TNR: variants seen among roughly 807,000 people sequenced by gnomAD.
TNR encodes the protein tenascin-R.
TNR carries 45 observed loss-of-function variants against 150.4 expected under a neutral mutation model. That is an observed-to-expected ratio of 0.30 (90% CI 0.24 to 0.38). The LOEUF is 0.38. Among genes scored for constraint, TNR ranks in the 10% least tolerant of loss-of-function variants. TNR has a pLI of 1.00. For missense variants in TNR, 1,544 were observed against 1,759.1 expected, an observed-to-expected ratio of 0.88 and a Z score of 2.19; for synonymous variants, 687 against 678.4, an observed-to-expected ratio of 1.01 and a Z score of -0.20.
At chr1:175,466,520 C>A (rs1657042144) in intron 2 of TNR, among the ~76,000 whole-genome samples, 1 of 152,224 alleles carries the variant, frequency 6.6e-6, no homozygotes, top group South Asian at 2.1e-4. Context: ...TTGCAAGAGA[C>A]TGAAGTCCTG....
At chr1:175,616,075 C>G (rs750456241) in intron 1 of TNR, among the ~76,000 whole-genome samples, 3 of 152,174 alleles carry the variant, frequency 2.0e-5, no homozygotes, top group African/African-American at 7.2e-5. Context: ...GTTCTTTCTG[C>G]GTGGGACAAA....
chr1:175,326,117 A>G (rs1364867071), intron 21 of TNR, among the ~76,000 whole-genome samples: 1 of 152,066 alleles, frequency 6.6e-6, no homozygotes, highest in Non-Finnish European at 1.5e-5. Flanking sequence ...AGGTGGTGAG[A>G]TTTTTATTCT....
At chr1:175,609,482 C>A (rs568926496) in intron 1 of TNR, among the ~76,000 whole-genome samples, 5 of 152,282 alleles carry the variant, frequency 3.3e-5, no homozygotes, top group Middle Eastern at 3.4e-3. Context: ...ATCTTTCTGA[C>A]AGTCTGTTGC....
intron 1 of TNR, among the ~76,000 whole-genome samples, chr1:175,692,458 G>C (rs565127773): frequency 6.6e-6 from 1 of 152,362 alleles, no homozygotes; most frequent in East Asian, 1.9e-4. Context: ...TATAAGTGGA[G>C]AGTGCCTCAA....
At chr1:175,693,969 G>T (rs1179816593) in intron 1 of TNR, among the ~76,000 whole-genome samples, 1 of 152,164 alleles carries the variant, frequency 6.6e-6, no homozygotes, top group African/African-American at 2.4e-5. Context: ...TTCAGTATAT[G>T]TAAAAAGTAG....
chr1:175,700,922 G>A (rs903889296), intron 1 of TNR, among the ~76,000 whole-genome samples: 13 of 152,036 alleles, frequency 8.6e-5, no homozygotes, highest in African/African-American at 2.2e-4. Context: ...CCGCCTCCCC[G>A]AGCCTGATTT....
chr1:175,633,342 GGTA>G (rs1313982497), intron 1 of TNR, among the ~76,000 whole-genome samples: 10 of 152,048 alleles, frequency 6.6e-5, no homozygotes, highest in African/African-American at 2.4e-4. Flanking sequence ...GCAGAACTGA[GGTA>G]TGGCTGGCCC....
At chr1:175,340,893 T>C (rs1650488479) in intron 18 of TNR, among the ~76,000 whole-genome samples, 1 of 152,018 alleles carries the variant, frequency 6.6e-6, no homozygotes, top group Non-Finnish European at 1.5e-5. Context: ...TCTTTCCCTC[T>C]CCCCCTCTTT....
intron 1 of TNR, among the ~76,000 whole-genome samples, chr1:175,687,619 G>T (rs1013530659): frequency 6.6e-6 from 1 of 151,926 alleles, no homozygotes; most frequent in Admixed American, 6.6e-5. Flanking sequence ...AAGAGAGGTG[G>T]TATGCTGAGC....
At chr1:175,620,820 G>T (rs1663946209) in intron 1 of TNR, among the ~76,000 whole-genome samples, 2 of 151,982 alleles carry the variant, frequency 1.3e-5, no homozygotes, top group South Asian at 4.2e-4. Flanking sequence ...GATCTCAAAT[G>T]AGTTTGTGTG....
chr1:175,503,512 G>A (rs537476756), intron 2 of TNR, among the ~76,000 whole-genome samples: 2 of 152,252 alleles, frequency 1.3e-5, no homozygotes, highest in East Asian at 1.9e-4. Context: ...TAAATGAGCC[G>A]ACAGGGATGA....
At chr1:175,590,307 A>T (rs1175744166) in intron 1 of TNR, among the ~76,000 whole-genome samples, 2 of 152,340 alleles carry the variant, frequency 1.3e-5, no homozygotes, top group East Asian at 3.9e-4. Context: ...TAAAATAAAA[A>T]TTTGATATTT....
chr1:175,547,282 C>A (rs1206398828), intron 1 of TNR, among the ~76,000 whole-genome samples: 1 of 152,238 alleles, frequency 6.6e-6, no homozygotes, highest in East Asian at 1.9e-4. Context: ...CATGTTGAAG[C>A]CACATGGCCC....
At chr1:175,561,821 G>T (rs1445977021) in intron 1 of TNR, among the ~76,000 whole-genome samples, 1 of 152,172 alleles carries the variant, frequency 6.6e-6, no homozygotes, top group African/African-American at 2.4e-5. Context: ...GTATAATGTT[G>T]TAGTACACAG....
intron 1 of TNR, among the ~76,000 whole-genome samples, chr1:175,566,495 T>C (rs1485010666): frequency 6.6e-6 from 1 of 152,252 alleles, no homozygotes; most frequent in African/African-American, 2.4e-5. Context: ...AGGGAGTCCA[T>C]GTGTAGTCCT....
In TNR at chr1:175,508,108, C is replaced by T. The variant is rs191144308; in HGVS notation, c.-64+20161G>A. On this transcript the variant is annotated intron_variant, in intron 2 of 22. Transcript: ENST00000367674. ...GGAAAGATCACACAGGAGGGTCTGT[C>T]GCGGGGTGGGGGCAAGGGAAGGGAG... is the stretch of plus-strand genomic sequence containing the variant. 1.3e-3 allele frequency among the ~76,000 whole-genome samples: 191 copies of T among 151,856 alleles called. 1 individual carries two copies. Among genetic ancestry groups the T allele is most frequent in the Admixed American group, 5.4e-3 (83 of 15,246 alleles).
chr1:175,623,830 G>A (rs1377941763), intron 1 of TNR, among the ~76,000 whole-genome samples: 1 of 152,246 alleles, frequency 6.6e-6, no homozygotes, highest in Non-Finnish European at 1.5e-5. Flanking sequence ...CTACAGAGGA[G>A]CCTGAGGCCA....
At chr1:175,497,922 T>C (rs1373859603) in intron 2 of TNR, among the ~76,000 whole-genome samples, 1 of 151,990 alleles carries the variant, frequency 6.6e-6, no homozygotes, top group Admixed American at 6.6e-5. Flanking sequence ...TAGCTGGGCG[T>C]GGTGGTGTGC....
intron 1 of TNR, among the ~76,000 whole-genome samples, chr1:175,573,321 C>T (rs79582068): frequency 0.038 from 5,743 of 152,300 alleles, 386 homozygotes; most frequent in African/African-American, 0.13. Flanking sequence ...CCCTCAGAGC[C>T]CTGCGGCTTT....
Sources: allele counts gnomAD v4.1 joint callset (sites outside exome capture counted in the v4.1 genomes callset), GRCh38; gene constraint gnomAD v4.1.1; transcripts MANE v1.5; gene names NCBI Gene and HGNC (gene_info 2026-07-23, HGNC 2026-07-21).